Variants in LRRC4C observed in about 807,000 individuals in gnomAD.
LRRC4C encodes leucine rich repeat containing 4C.
In LRRC4C, 5 loss-of-function variants were observed where a neutral mutation model predicts 33.6. The ratio of observed to expected loss-of-function variants is 0.15; its 90% confidence interval spans 0.08 to 0.31. The LOEUF (loss-of-function observed/expected upper bound fraction) is 0.31, where lower values mean the gene tolerates loss of function less well. LRRC4C is among the 10% of genes least tolerant of loss of function. The pLI is 1.00. For synonymous variants in LRRC4C, 329 were observed against 302.0 expected (o/e 1.09, Z -0.93); for missense variants, 560 against 796.7 (o/e 0.70, Z 3.58).
At chr11:40,887,864 G>T (rs754881773) in intron 2 of LRRC4C, among the ~76,000 whole-genome samples, 21 of 151,718 alleles carry the variant, frequency 1.4e-4, no homozygotes, top group Non-Finnish European at 3.1e-4. Flanking sequence ...CTTTATTAAG[G>T]TACTGCCTAG....
intron 1 of LRRC4C, among the ~76,000 whole-genome samples, chr11:40,996,261 CT>C (rs1319332100): frequency 6.6e-6 from 1 of 152,102 alleles, no homozygotes; most frequent in Non-Finnish European, 1.5e-5. Context: ...TACACATGTG[CT>C]GACAATGGAC....
At chr11:40,397,699 T>C (rs1444064930) in intron 3 of LRRC4C, among the ~76,000 whole-genome samples, 1 of 152,026 alleles carries the variant, frequency 6.6e-6, no homozygotes, top group Non-Finnish European at 1.5e-5. Context: ...GCTGGACAAA[T>C]GTTCAAATGA....
chr11:40,740,700 G>A (rs1222829350), intron 2 of LRRC4C, among the ~76,000 whole-genome samples: 3 of 151,864 alleles, frequency 2.0e-5, no homozygotes, highest in African/African-American at 4.8e-5. Flanking sequence ...ATCAAAAATA[G>A]CATTGCCCAG....
At chr11:41,103,190 A>T (rs1941300601) in intron 1 of LRRC4C, among the ~76,000 whole-genome samples, 1 of 151,942 alleles carries the variant, frequency 6.6e-6, no homozygotes, top group African/African-American at 2.4e-5. Context: ...GCAATTGATA[A>T]GTAAAATATT....
intron 5 of LRRC4C, among the ~76,000 whole-genome samples, chr11:40,208,032 C>T (rs1993167): frequency 0.26 from 38,941 of 152,102 alleles, 5,734 homozygotes; most frequent in South Asian, 0.42. Flanking sequence ...GCTTATGATA[C>T]TACATCAGTC....
chr11:41,447,602 G>C (rs2138605143), intron 1 of LRRC4C, among the ~76,000 whole-genome samples: 1 of 152,220 alleles, frequency 6.6e-6, no homozygotes, highest in Non-Finnish European at 1.5e-5. Context: ...AACTTAGTAG[G>C]TAAAAGTACC....
chr11:41,283,314 A>T (rs1240345912), intron 1 of LRRC4C, among the ~76,000 whole-genome samples: 4 of 152,234 alleles, frequency 2.6e-5, no homozygotes, highest in African/African-American at 9.6e-5. Context: ...CATTTATATT[A>T]GGTAAATTTT....
chr11:40,905,914 G>T (rs2136224172), intron 2 of LRRC4C, among the ~76,000 whole-genome samples: 1 of 152,324 alleles, frequency 6.6e-6, no homozygotes, highest in Non-Finnish European at 1.5e-5. Flanking sequence ...AATTTTGCAA[G>T]AAGTTCTACT....
rs183880058 is a variant in LRRC4C at position 40,184,090 on chromosome 11, T to G, written c.-95-43237A>C. 8.3e-3 allele frequency among the ~76,000 whole-genome samples: 1,271 copies of G among 152,220 alleles called. 17 individuals are homozygous for G. Among genetic ancestry groups the G allele is most frequent in the African/African-American group, 0.029 (1,189 of 41,516 alleles). ...GTTAAGCTGGTTGCTTAGCTATGTTTGTGCTATTTGAGTGACGGTACATCT... is the reference window on the plus strand; with the variant it reads ...GTTAAGCTGGTTGCTTAGCTATGTTGGTGCTATTTGAGTGACGGTACATCT... On this transcript the variant is annotated intron_variant, in intron 5 of 6. Coordinates refer to ENST00000528697, the MANE Select transcript of LRRC4C (RefSeq NM_001258419.2).
intron 1 of LRRC4C, among the ~76,000 whole-genome samples, chr11:41,253,031 CA>C (rs1948691626): frequency 6.6e-6 from 1 of 152,054 alleles, no homozygotes; most frequent in Non-Finnish European, 1.5e-5. Context: ...TTTAACTCAC[CA>C]AAATGTTATT....
At chr11:40,523,153 C>G (rs1181035396) in intron 3 of LRRC4C, among the ~76,000 whole-genome samples, 1 of 152,120 alleles carries the variant, frequency 6.6e-6, no homozygotes, top group Non-Finnish European at 1.5e-5. Context: ...ATTTTGAATT[C>G]TTACTACCAA....
chr11:40,124,880 G>A lies in LRRC4C; in HGVS notation c.-42-8546C>T, dbSNP rs183845388. ...CCATTTATCCTAATGTGATTATTAC[G>A]CATTGTATGCCTGTATCAAAGTATC... On this transcript the variant is annotated intron_variant, in intron 6 of 6. Transcript: ENST00000528697. Among the ~76,000 whole-genome samples the A allele has an allele frequency of 6.6e-5, 10 of 151,966 alleles. No individual in the cohort carries two copies. The East Asian group carries it at 1.2e-3, about 18-fold the overall frequency.
chr11:40,836,900 G>A (rs929688877), intron 2 of LRRC4C, among the ~76,000 whole-genome samples: 27 of 151,948 alleles, frequency 1.8e-4, no homozygotes, highest in African/African-American at 5.1e-4. Flanking sequence ...TGTCACCTCC[G>A]TATCTATAGT....
chr11:41,401,567 C>T (rs902399473), intron 1 of LRRC4C, among the ~76,000 whole-genome samples: 3 of 151,364 alleles, frequency 2.0e-5, no homozygotes, highest in Non-Finnish European at 3.0e-5. Context: ...AGTCATGGGG[C>T]GGACAAAGGA....
At chr11:40,423,408 C>A (rs1254919182) in intron 3 of LRRC4C, among the ~76,000 whole-genome samples, 22 of 144,940 alleles carry the variant, frequency 1.5e-4, no homozygotes, top group East Asian at 4.2e-4. Flanking sequence ...GCAGTGGCGC[C>A]ATCTCGGCTC....
intron 1 of LRRC4C, among the ~76,000 whole-genome samples, chr11:41,335,157 A>C (rs1951412807): frequency 6.6e-6 from 1 of 152,220 alleles, no homozygotes; most frequent in South Asian, 2.1e-4. Flanking sequence ...TCACTTATTG[A>C]TAACTGATTC....
intron 2 of LRRC4C, among the ~76,000 whole-genome samples, chr11:40,655,804 A>G (rs949952388): frequency 6.6e-6 from 1 of 152,252 alleles, no homozygotes; most frequent in African/African-American, 2.4e-5. Flanking sequence ...AAACTGGAAA[A>G]GACAAAGGAT....
chr11:40,598,051 T>C (rs1334052535), intron 3 of LRRC4C, among the ~76,000 whole-genome samples: 2 of 152,144 alleles, frequency 1.3e-5, no homozygotes, highest in African/African-American at 4.8e-5. Flanking sequence ...TCATAGGTGC[T>C]TTTTCAAAAG....
intron 3 of LRRC4C, among the ~76,000 whole-genome samples, chr11:40,415,451 A>G (rs531081315): frequency 5.5e-4 from 83 of 152,140 alleles, no homozygotes; most frequent in Non-Finnish European, 9.7e-4. Context: ...TGCCCCATTC[A>G]TGTGTAGCAC....
Sources: gnomAD v4.1 joint callset for allele counts (sites outside exome capture counted in the v4.1 genomes callset) on GRCh38, gnomAD v4.1.1 for gene constraint, MANE v1.5 for transcripts, NCBI Gene and HGNC (gene_info 2026-07-23, HGNC 2026-07-21) for gene names.